Variants in STXBP5L observed in about 807,000 individuals in gnomAD.
STXBP5L encodes the protein syntaxin-binding protein 5-like.
Under a neutral mutation model 144.5 loss-of-function variants are expected in STXBP5L, and 65 were observed. The ratio of observed to expected loss-of-function variants is 0.45; its 90% confidence interval spans 0.37 to 0.55. STXBP5L has a LOEUF of 0.55. STXBP5L is among the 20% of genes least tolerant of loss of function. The probability of loss-of-function intolerance (pLI) is 0.00; values close to 1 mark genes in which losing one functional copy is unlikely to be tolerated. For missense variants in STXBP5L, 1,298 were observed against 1,405.5 expected, an observed-to-expected ratio of 0.92 and a Z score of 1.22; for synonymous variants, 505 against 469.6, an observed-to-expected ratio of 1.08 and a Z score of -0.97.
At chr3:121,055,427 A>G (rs1372872101) in intron 5 of STXBP5L, among the ~76,000 whole-genome samples, 4 of 152,184 alleles carry the variant, frequency 2.6e-5, no homozygotes, top group African/African-American at 7.2e-5. Context: ...TAGGGCACCT[A>G]CAGTCTTTAG....
chr3:120,950,187 A>G (rs1020343469), intron 2 of STXBP5L, among the ~76,000 whole-genome samples: 1 of 151,966 alleles, frequency 6.6e-6, no homozygotes, highest in African/African-American at 2.4e-5. Flanking sequence ...TTTTGAGTTA[A>G]TTTTTGTGTA....
chr3:121,047,654 G>C lies in STXBP5L; in HGVS notation c.470+2119G>C, dbSNP rs140587275. On this transcript the variant is annotated intron_variant, in intron 5 of 26. Transcript: ENST00000471454. ...TCTTTGTTAGCTTAAAGTATGTTTT[G>C]TCTGAAATAACAACCCCTGCTTTTT... Among the ~76,000 whole-genome samples, 414 of 150,958 alleles carry C rather than the reference G, an allele frequency of 2.7e-3. 4 individuals are homozygous for C. Among genetic ancestry groups the C allele is most frequent in the African/African-American group, 9.1e-3 (375 of 41,290 alleles).
intron 5 of STXBP5L, among the ~76,000 whole-genome samples, chr3:121,114,062 CAA>C (rs2044129311): frequency 6.6e-6 from 1 of 152,070 alleles, no homozygotes; most frequent in South Asian, 2.1e-4. Flanking sequence ...GTCTGTCTGA[CAA>C]GAGATAACTA....
At chr3:121,125,071 G>A (rs1253859310) in intron 7 of STXBP5L, among the ~76,000 whole-genome samples, 1 of 151,980 alleles carries the variant, frequency 6.6e-6, no homozygotes, top group Admixed American at 6.6e-5. Flanking sequence ...AAACATATTT[G>A]TATTTCTGGG....
chr3:121,033,518 A>T (rs923137118), intron 3 of STXBP5L, among the ~76,000 whole-genome samples: 1 of 145,846 alleles, frequency 6.9e-6, no homozygotes, highest in Admixed American at 6.9e-5. Flanking sequence ...ACATGTATAC[A>T]TATGTAACTA....
intron 22 of STXBP5L, among the ~76,000 whole-genome samples, chr3:121,404,040 G>A (rs1381934491): frequency 6.6e-6 from 1 of 151,944 alleles, no homozygotes; most frequent in Non-Finnish European, 1.5e-5. Flanking sequence ...TTATAGTCTG[G>A]ACCTCTCCAC....
intron 19 of STXBP5L, among the ~76,000 whole-genome samples, chr3:121,293,589 G>A (rs963503064): frequency 2.6e-5 from 4 of 152,226 alleles, no homozygotes; most frequent in African/African-American, 9.7e-5. Flanking sequence ...GCCAGGTGCG[G>A]TGGCTCACGC....
intron 20 of STXBP5L, among the ~76,000 whole-genome samples, chr3:121,375,296 C>A (rs1455822099): frequency 6.6e-6 from 1 of 152,112 alleles, no homozygotes; most frequent in Non-Finnish European, 1.5e-5. Flanking sequence ...AATGTCCTCT[C>A]CAAGGCACAT....
intron 3 of STXBP5L, among the ~76,000 whole-genome samples, chr3:121,019,495 C>A (rs1030085045): frequency 1.1e-4 from 17 of 152,176 alleles, no homozygotes; most frequent in Non-Finnish European, 2.1e-4. Flanking sequence ...AAAATACAAC[C>A]AAGGACCTTC....
intron 7 of STXBP5L, among the ~76,000 whole-genome samples, chr3:121,144,288 T>C (rs979657312): frequency 6.6e-6 from 1 of 151,726 alleles, no homozygotes; most frequent in Non-Finnish European, 1.5e-5. Context: ...GAACTTAAGG[T>C]GTTATCAGCT....
chr3:121,139,973 G>C (rs534597648), intron 7 of STXBP5L, among the ~76,000 whole-genome samples: 1 of 151,994 alleles, frequency 6.6e-6, no homozygotes, highest in South Asian at 2.1e-4. Flanking sequence ...AAACAACCCA[G>C]TTGAAAAATG....
At chr3:121,086,160 C>A (rs1289266699) in intron 5 of STXBP5L, among the ~76,000 whole-genome samples, 1 of 152,012 alleles carries the variant, frequency 6.6e-6, no homozygotes, top group Non-Finnish European at 1.5e-5. Context: ...GAAAAATTAA[C>A]CCAAGATGGA....
chr3:121,204,401 C>T (rs1708803881), intron 9 of STXBP5L, among the ~76,000 whole-genome samples: 1 of 151,992 alleles, frequency 6.6e-6, no homozygotes, highest in Non-Finnish European at 1.5e-5. Flanking sequence ...TTATTTTTTT[C>T]TTCTTTAGTC....
intron 3 of STXBP5L, among the ~76,000 whole-genome samples, chr3:121,009,495 A>G (rs140224707): frequency 1.3e-5 from 2 of 152,082 alleles, no homozygotes; most frequent in African/African-American, 4.8e-5. Flanking sequence ...CCACTGTTTT[A>G]ACACAACCAC....
intron 7 of STXBP5L, among the ~76,000 whole-genome samples, chr3:121,132,626 C>A (rs1285726481): frequency 6.6e-6 from 1 of 151,964 alleles, no homozygotes; most frequent in African/African-American, 2.4e-5. Context: ...AAGAATCAGA[C>A]AAAAATATTT....
chr3:120,977,654 A>G (rs1483335840), intron 3 of STXBP5L, among the ~76,000 whole-genome samples: 1 of 152,084 alleles, frequency 6.6e-6, no homozygotes, highest in Non-Finnish European at 1.5e-5. Context: ...GGTCTTTACA[A>G]TTTGGCATGA....
At chr3:121,139,459 A>G (rs1033582619) in intron 7 of STXBP5L, among the ~76,000 whole-genome samples, 14 of 152,128 alleles carry the variant, frequency 9.2e-5, no homozygotes, top group Non-Finnish European at 1.8e-4. Context: ...AAGGCGGAAT[A>G]TGAATTAACT....
intron 20 of STXBP5L, among the ~76,000 whole-genome samples, chr3:121,347,980 A>T (rs1010718432): frequency 3.5e-4 from 53 of 152,188 alleles, no homozygotes; most frequent in African/African-American, 1.0e-3. Context: ...CCTGGCCAGA[A>T]CTTCCAACAC....
intron 9 of STXBP5L, among the ~76,000 whole-genome samples, chr3:121,196,142 A>G (rs944965582): frequency 2.0e-5 from 3 of 151,076 alleles, no homozygotes; most frequent in Non-Finnish European, 4.4e-5. Flanking sequence ...TTTGGATAGC[A>G]TGGGGATTTT....
Sources: gnomAD v4.1 joint callset for allele counts (sites outside exome capture counted in the v4.1 genomes callset) on GRCh38, gnomAD v4.1.1 for gene constraint, MANE v1.5 for transcripts, NCBI Gene and HGNC (gene_info 2026-07-23, HGNC 2026-07-21) for gene names.